Variants in IPMK observed in about 807,000 individuals in gnomAD.
IPMK encodes the protein inositol 1,3,4,6-tetrakisphosphate 5-kinase.
IPMK carries 17 observed loss-of-function variants against 45.8 expected under a neutral mutation model. The ratio of observed to expected loss-of-function variants is 0.37; its 90% CI spans 0.25 to 0.56. IPMK has a LOEUF of 0.56. Ranked by LOEUF, IPMK falls within the 20% of genes least tolerant of loss-of-function variation. IPMK has a pLI of 0.79. For missense variants in IPMK, 399 were observed against 498.0 expected, an observed-to-expected ratio of 0.80 and a Z score of 1.89; for synonymous variants, 180 against 184.3, an observed-to-expected ratio of 0.98 and a Z score of 0.19.
intron 1 of IPMK, among the ~76,000 whole-genome samples, chr10:58,242,459 C>CAAAAAAAAA (rs1377487096): frequency 1.8e-4 from 8 of 44,996 alleles, no homozygotes; most frequent in East Asian, 7.1e-4. Context: ...GACTCCGTCT[C>CAAAAAAAAA]AAAAAAAAAA....
rs368607355 is a variant in IPMK, at chr10:58,243,469, G to A, written c.191-5655C>T. ...GCTGCAACCTCGCTGCCTCGGGCTC[G>A]GGTGATTCTCCTGCCTCGGCCTGCC... is the stretch of plus-strand genomic sequence containing the variant. On this transcript the variant is annotated intron_variant, in intron 1 of 5. Coordinates refer to ENST00000373935, the MANE Select transcript of IPMK (RefSeq NM_152230.5). 2.7e-4 allele frequency among the ~76,000 whole-genome samples: 41 copies of A among 152,266 alleles called. No individual in the cohort carries two copies. The East Asian group carries it at 4.7e-3, about 17-fold the overall frequency.
At chr10:58,208,473 T>C (rs1564528892) in intron 4 of IPMK, among the ~76,000 whole-genome samples, 1 of 128,852 alleles carries the variant, frequency 7.8e-6, no homozygotes, top group Non-Finnish European at 1.6e-5. Flanking sequence ...CTTCAAATTG[T>C]TCTTGAATAT....
intron 1 of IPMK, among the ~76,000 whole-genome samples, chr10:58,246,100 T>C (rs958867710): frequency 7.7e-6 from 1 of 130,680 alleles, no homozygotes; most frequent in African/African-American, 3.7e-5. Flanking sequence ...TTACAAGGGA[T>C]GTGAAGGACC....
At chr10:58,199,081 G>A (rs982644835) in intron 5 of IPMK, among the ~76,000 whole-genome samples, 159 bp downstream of exon 5, 1 of 151,788 alleles carries the variant, frequency 6.6e-6, no homozygotes, top group Non-Finnish European at 1.5e-5. Context: ...ATGAACCAGG[G>A]CTTATGGTTA....
intron 1 of IPMK, among the ~76,000 whole-genome samples, chr10:58,262,105 G>T (rs553300814): frequency 6.6e-6 from 1 of 152,160 alleles, no homozygotes; most frequent in Admixed American, 6.5e-5. Context: ...GGGTTGGGGG[G>T]ATGGGGGAGG....
In IPMK at chr10:58,267,618, G is replaced by C; in HGVS notation, c.-7C>G. Reference sequence around the variant, plus strand: ...ATGGTGGCTCTGTTGCCATAACGGAGAGCAGAAGCGGTAACGGCAGCGAGA... The same window carrying C: ...ATGGTGGCTCTGTTGCCATAACGGACAGCAGAAGCGGTAACGGCAGCGAGA... On this transcript the variant is annotated 5_prime_UTR_variant, in exon 1 of 6. Coordinates refer to ENST00000373935, the MANE Select transcript of IPMK (RefSeq NM_152230.5). 3 of 1,580,022 alleles carry C rather than the reference G, an allele frequency of 1.9e-6. No individual in the cohort carries two copies. The highest frequency in any genetic ancestry group is 2.6e-6 in the Non-Finnish European group (3 of 1,160,590).
At chr10:58,197,645 G>A (rs1411963043) in intron 5 of IPMK, among the ~76,000 whole-genome samples, 6 of 136,448 alleles carry the variant, frequency 4.4e-5, no homozygotes, top group Middle Eastern at 4.3e-3. Flanking sequence ...ACGAGACTCC[G>A]TCTCAAAAAA....
At chr10:58,256,187 A>G (rs1415164779) in intron 1 of IPMK, among the ~76,000 whole-genome samples, 1 of 152,224 alleles carries the variant, frequency 6.6e-6, no homozygotes, top group Admixed American at 6.5e-5. Flanking sequence ...GCCAGGCAGA[A>G]CAGAGTCATA....
intron 2 of IPMK, among the ~76,000 whole-genome samples, chr10:58,230,383 G>T (rs1838494952): frequency 6.6e-6 from 1 of 152,212 alleles, no homozygotes; most frequent in Non-Finnish European, 1.5e-5. Context: ...TAGCCTAACT[G>T]GGAGACAGCC....
chr10:58,242,965 G>A (rs971725051), intron 1 of IPMK, among the ~76,000 whole-genome samples: 21 of 151,962 alleles, frequency 1.4e-4, no homozygotes, highest in African/African-American at 3.9e-4. Flanking sequence ...CTACTCTGCC[G>A]TGTAAAGAAG....
intron 4 of IPMK, among the ~76,000 whole-genome samples, chr10:58,211,492 T>G (rs991210577): frequency 2.0e-5 from 3 of 152,038 alleles, no homozygotes; most frequent in African/African-American, 7.2e-5. Flanking sequence ...CACACCCAGC[T>G]GACTACCCGG....
At position 58,192,089 on chromosome 10, in the gene IPMK, A is replaced by C. The variant is rs1837826191; in HGVS notation, c.*3987T>G. 2.0e-5 allele frequency: 3 copies of C among 152,088 alleles called. No homozygotes were observed. The highest frequency in any genetic ancestry group is 2.0e-4 in the Admixed American group (3 of 15,266). 9.4% of individuals were successfully genotyped at this position (152,088 alleles called of 1,614,324 possible). ...TATTTTCACTTAGTACAGGCTATTA[A>C]TATAAGTAATGAGAATTTAAGTATT... On this transcript the variant is annotated 3_prime_UTR_variant, in exon 6 of 6. Coordinates refer to ENST00000373935, the MANE Select transcript of IPMK (RefSeq NM_152230.5).
chr10:58,237,734 T>C lies in IPMK; in HGVS notation c.271A>G (p.Asn91Asp). 1 of 1,610,034 alleles carries C rather than the reference T, an allele frequency of 6.2e-7. No homozygotes were observed. Residue 91 changes from asparagine to aspartate, a missense_variant, in exon 2 of 6, where the codon AAT becomes GAT. Asn to Asp is a conservative substitution (Grantham distance 23). Transcript: ENST00000373935. ...ACAAATCTTACCTCACTTACCATAT[T>C]ATAGAATTCCAGCTCTCTTGGGCCC... ...PRGPRELEFYNMVYAADCFDG... is the reference protein window; with the variant it reads ...PRGPRELEFYDMVYAADCFDG...
rs114704471 is a variant in IPMK, at chr10:58,256,417, C to A, written c.190+11005G>T. Among the ~76,000 whole-genome samples, 911 of 152,262 alleles carry A rather than the reference C, an allele frequency of 6.0e-3. 9 individuals are homozygous for A. Among genetic ancestry groups the A allele is most frequent in the African/African-American group, 0.021 (864 of 41,544 alleles). Reference sequence around the variant, plus strand: ...TTAGGAAACTCCAGCCCAGCAAATTCTAGTCAGACCAGTTGTCTGCTCTTG... The same window carrying A: ...TTAGGAAACTCCAGCCCAGCAAATTATAGTCAGACCAGTTGTCTGCTCTTG... On this transcript the variant is annotated intron_variant, in intron 1 of 5. Coordinates refer to ENST00000373935, the MANE Select transcript of IPMK (RefSeq NM_152230.5).
At chr10:58,247,401 A>G (rs1838817630) in intron 1 of IPMK, among the ~76,000 whole-genome samples, 1 of 151,512 alleles carries the variant, frequency 6.6e-6, no homozygotes, top group Non-Finnish European at 1.5e-5. Flanking sequence ...ACTTGGAACC[A>G]ACCCAAATGT....
intron 1 of IPMK, among the ~76,000 whole-genome samples, chr10:58,252,561 A>G (rs1311582701): frequency 6.6e-6 from 1 of 151,594 alleles, no homozygotes; most frequent in Non-Finnish European, 1.5e-5. Context: ...GATAATAAAC[A>G]TAATACCAAA....
chr10:58,262,357 A>G (rs1839085903), intron 1 of IPMK, among the ~76,000 whole-genome samples: 1 of 152,228 alleles, frequency 6.6e-6, no homozygotes, highest in Non-Finnish European at 1.5e-5. Flanking sequence ...AAACATATTA[A>G]TATCACTGGG....
At chr10:58,217,945 A>G (rs1334165287) in intron 3 of IPMK, among the ~76,000 whole-genome samples, 4 of 152,296 alleles carry the variant, frequency 2.6e-5, no homozygotes, top group Non-Finnish European at 5.9e-5. Context: ...CTGCTGAATT[A>G]CAATAAAGAA....
intron 1 of IPMK, among the ~76,000 whole-genome samples, chr10:58,264,219 T>C (rs755095402): frequency 1.3e-5 from 2 of 152,228 alleles, no homozygotes; most frequent in African/African-American, 4.8e-5. Flanking sequence ...TACTTGCAAA[T>C]AGTTAAGAAA....
Sources: allele counts gnomAD v4.1 joint callset (sites outside exome capture counted in the v4.1 genomes callset), GRCh38; gene constraint gnomAD v4.1.1; transcripts MANE v1.5; gene names NCBI Gene and HGNC (gene_info 2026-07-23, HGNC 2026-07-21).